The following KCNJ6 variants were observed in gnomAD, a reference collection of about 807,000 sequenced individuals.
KCNJ6 encodes potassium inwardly rectifying channel subfamily J member 6.
A neutral mutation model predicts 34.2 loss-of-function variants in KCNJ6; 9 were observed. The observed-to-expected ratio is 0.26, with a 90% CI of 0.16 to 0.46. KCNJ6 has a LOEUF of 0.46. Among genes scored for constraint, KCNJ6 ranks in the 20% least tolerant of loss-of-function variants. The pLI, the probability that KCNJ6 is intolerant of heterozygous loss-of-function variation, is 1.00. For synonymous variants in KCNJ6, 196 were observed against 207.1 expected, an observed-to-expected ratio of 0.95 and a Z score of 0.46; for missense variants, 236 against 531.3, an observed-to-expected ratio of 0.44 and a Z score of 5.46.
intron 1 of KCNJ6, among the ~76,000 whole-genome samples, chr21:37,865,157 T>C (rs902527223): frequency 1.4e-4 from 21 of 152,282 alleles, no homozygotes; most frequent in African/African-American, 4.3e-4. Flanking sequence ...GTAGGAGTGT[T>C]AGAAAAGCTG....
At position 37,614,993 on chromosome 21, in the gene KCNJ6, CAT is replaced by C. The variant is rs1229286153; in HGVS notation, c.*10164_*10165del. The C allele has an allele frequency of 6.6e-6, 1 of 152,186 alleles. No individual in the cohort carries two copies. The highest frequency in any genetic ancestry group is 2.4e-5 in the African/African-American group (1 of 41,426). The allele number at this position is 152,186 out of a possible 1,614,324, so 9.4% of individuals were successfully genotyped here. A position where few individuals can be genotyped will look rare whatever the true frequency, so the allele number is the denominator to read the frequency against. On this transcript the variant is annotated 3_prime_UTR_variant, in exon 4 of 4. Transcript: ENST00000609713. Reference sequence around the variant, plus strand: ...GGAGGAACCATGTGATAACAGGCCACATGTTTTGTTGATGCCTGTTGTCACAG... The same window carrying C: ...GGAGGAACCATGTGATAACAGGCCACGTTTTGTTGATGCCTGTTGTCACAG...
chr21:37,766,582 T>C (rs1047746101), intron 2 of KCNJ6, among the ~76,000 whole-genome samples: 3 of 152,170 alleles, frequency 2.0e-5, no homozygotes, highest in Non-Finnish European at 2.9e-5. Flanking sequence ...TATGGGACAC[T>C]CTGATGGGAC....
intron 2 of KCNJ6, among the ~76,000 whole-genome samples, chr21:37,750,828 T>C (rs142667069): frequency 3.9e-5 from 6 of 152,194 alleles, no homozygotes; most frequent in Non-Finnish European, 8.8e-5. Context: ...TGTATACCTA[T>C]GTAACAAACC....
At chr21:37,705,982 G>A (rs1358553819) in intron 3 of KCNJ6, among the ~76,000 whole-genome samples, 1 of 152,142 alleles carries the variant, frequency 6.6e-6, no homozygotes, top group African/African-American at 2.4e-5. Flanking sequence ...TATATCACAT[G>A]GGACTTGGCT....
intron 1 of KCNJ6, among the ~76,000 whole-genome samples, chr21:37,908,021 T>A (rs1353725801): frequency 6.6e-6 from 1 of 152,194 alleles, no homozygotes; most frequent in East Asian, 1.9e-4. Flanking sequence ...AGGTCAAGAG[T>A]TTTCTAATCC....
At chr21:37,788,027 T>G (rs923207837) in intron 2 of KCNJ6, among the ~76,000 whole-genome samples, 2 of 152,200 alleles carry the variant, frequency 1.3e-5, no homozygotes, top group Non-Finnish European at 2.9e-5. Flanking sequence ...TTCATATTTT[T>G]CAAGTACCTA....
At chr21:37,677,617 T>C (rs2054570533) in intron 3 of KCNJ6, among the ~76,000 whole-genome samples, 1 of 152,124 alleles carries the variant, frequency 6.6e-6, no homozygotes, top group African/African-American at 2.4e-5. Flanking sequence ...TTAGCAAATT[T>C]CTTCAAAGTA....
At chr21:37,724,822 T>C (rs954033348) in intron 2 of KCNJ6, among the ~76,000 whole-genome samples, 1 of 152,058 alleles carries the variant, frequency 6.6e-6, no homozygotes, top group Non-Finnish European at 1.5e-5. Flanking sequence ...GGACAACTGA[T>C]TGCCCTCCTG....
chr21:37,898,861 A>G (rs895042067), intron 1 of KCNJ6, among the ~76,000 whole-genome samples: 1 of 152,166 alleles, frequency 6.6e-6, no homozygotes, highest in Admixed American at 6.5e-5. Flanking sequence ...CCAGGGAAAA[A>G]CATTTCCTTT....
At chr21:37,753,400 T>A (rs938504485) in intron 2 of KCNJ6, among the ~76,000 whole-genome samples, 2 of 152,206 alleles carry the variant, frequency 1.3e-5, no homozygotes, top group East Asian at 3.8e-4. Context: ...GAAGATAGGC[T>A]ATGATGTGAG....
chr21:37,859,515 ATATATATATATATAT>A (rs1383594702), intron 1 of KCNJ6, among the ~76,000 whole-genome samples: 11 of 117,922 alleles, frequency 9.3e-5, no homozygotes, highest in South Asian at 5.0e-4. Context: ...ATATATATAT[ATATATATATATATAT>A]AAAATACTTA....
chr21:37,704,886 C>T (rs933807339), intron 3 of KCNJ6, among the ~76,000 whole-genome samples: 4 of 151,834 alleles, frequency 2.6e-5, no homozygotes, highest in South Asian at 4.2e-4. Context: ...CTTTGGGTTA[C>T]ACTTGGTTGC....
At chr21:37,834,538 T>C (rs1330789014) in intron 2 of KCNJ6, among the ~76,000 whole-genome samples, 2 of 152,262 alleles carry the variant, frequency 1.3e-5, no homozygotes. Context: ...ATGTTGCGCC[T>C]GGTGCAGGCA....
intron 3 of KCNJ6, among the ~76,000 whole-genome samples, chr21:37,643,851 C>T (rs769125926): frequency 6.6e-6 from 1 of 152,276 alleles, no homozygotes; most frequent in Non-Finnish European, 1.5e-5. Flanking sequence ...AAATATCAAT[C>T]GACCCAGCAG....
intron 3 of KCNJ6, among the ~76,000 whole-genome samples, chr21:37,694,701 A>T (rs923630179): frequency 6.6e-6 from 1 of 152,176 alleles, no homozygotes; most frequent in African/African-American, 2.4e-5. Flanking sequence ...CATGGACTGA[A>T]TTGTGCACCC....
chr21:37,686,454 TGAA>T (rs2054615558), intron 3 of KCNJ6, among the ~76,000 whole-genome samples: 1 of 134,858 alleles, frequency 7.4e-6, no homozygotes, highest in Non-Finnish European at 1.6e-5. Flanking sequence ...CTCTCCCGGG[TGAA>T]GTCTTTTTTT....
At chr21:37,909,012 C>T (rs1788363045) in intron 1 of KCNJ6, among the ~76,000 whole-genome samples, 1 of 152,232 alleles carries the variant, frequency 6.6e-6, no homozygotes, top group Admixed American at 6.5e-5. Context: ...GAGTGATATA[C>T]ATTACTTCTA....
At chr21:37,910,539 C>T (rs1159404509) in intron 1 of KCNJ6, among the ~76,000 whole-genome samples, 2 of 152,176 alleles carry the variant, frequency 1.3e-5, no homozygotes, top group African/African-American at 4.8e-5. Context: ...TTGGCAAGGA[C>T]ATGGATCTTT....
At chr21:37,665,720 C>T (rs1463652051) in intron 3 of KCNJ6, among the ~76,000 whole-genome samples, 1 of 152,164 alleles carries the variant, frequency 6.6e-6, no homozygotes, top group Non-Finnish European at 1.5e-5. Flanking sequence ...ATCATTCATC[C>T]CTCCCTCAAG....
Sources: gnomAD v4.1 joint callset for allele counts (sites outside exome capture counted in the v4.1 genomes callset) on GRCh38, gnomAD v4.1.1 for gene constraint, MANE v1.5 for transcripts, NCBI Gene and HGNC (gene_info 2026-07-23, HGNC 2026-07-21) for gene names.